Variants in RBFOX1 observed in about 807,000 individuals in gnomAD.
RBFOX1 encodes RNA binding protein fox-1 homolog 1.
RBFOX1 carries 8 observed loss-of-function variants against 57.7 expected under a neutral mutation model. The ratio of observed to expected loss-of-function variants is 0.14; its 90% confidence interval spans 0.08 to 0.25. The LOEUF (loss-of-function observed/expected upper bound fraction) is 0.25. Ranked by LOEUF, RBFOX1 falls within the 10% of genes least tolerant of loss-of-function variation. RBFOX1 has a pLI of 1.00. For synonymous variants in RBFOX1, 326 were observed against 222.4 expected (o/e 1.47, Z -4.15); for missense variants, 611 against 548.5 (o/e 1.11, Z -1.14).
chr16:7,604,828 G>A (rs983336152), intron 9 of RBFOX1, among the ~76,000 whole-genome samples: 2 of 152,162 alleles, frequency 1.3e-5, no homozygotes, highest in Non-Finnish European at 2.9e-5. Flanking sequence ...AGTCTTATAT[G>A]CAAAAGAAAG....
chr16:6,982,018 C>G (rs942094255), intron 3 of RBFOX1, among the ~76,000 whole-genome samples: 1 of 152,136 alleles, frequency 6.6e-6, no homozygotes, highest in South Asian at 2.1e-4. Flanking sequence ...TTTGAACCCT[C>G]GTGTTTTACC....
At chr16:6,613,095 C>A (rs1465059873) in intron 2 of RBFOX1, among the ~76,000 whole-genome samples, 1 of 151,382 alleles carries the variant, frequency 6.6e-6, no homozygotes, top group African/African-American at 2.4e-5. Context: ...GGTACAGGAA[C>A]TGTCAGGCCT....
chr16:6,706,419 C>T (rs17140983), intron 3 of RBFOX1, among the ~76,000 whole-genome samples: 1 of 152,196 alleles, frequency 6.6e-6, no homozygotes, highest in African/African-American at 2.4e-5. Flanking sequence ...CTTAATTTGG[C>T]ATGATAATTA....
At chr16:6,629,642 C>T (rs2098358068) in intron 2 of RBFOX1, among the ~76,000 whole-genome samples, 1 of 151,956 alleles carries the variant, frequency 6.6e-6, no homozygotes, top group Non-Finnish European at 1.5e-5. Flanking sequence ...CTCAGAGCCC[C>T]TTAACTGGAG....
At chr16:6,710,574 T>C (rs1205113051) in intron 3 of RBFOX1, among the ~76,000 whole-genome samples, 1 of 152,246 alleles carries the variant, frequency 6.6e-6, no homozygotes, top group Non-Finnish European at 1.5e-5. Flanking sequence ...GCTGATCCGT[T>C]ACCGGAATAG....
intron 7 of RBFOX1, among the ~76,000 whole-genome samples, chr16:7,592,163 A>T (rs1368056953): frequency 6.6e-6 from 1 of 152,196 alleles, no homozygotes; most frequent in African/African-American, 2.4e-5. Flanking sequence ...TCTCAACTCT[A>T]AATGAGGAAT....
chr16:6,394,480 C>T lies in RBFOX1; in HGVS notation c.-64+77423C>T, dbSNP rs180795060. ...CTTCTTGCAAAGAACCTTAAATTTACCCCCCAGAATAGCAGTGGGAAAATT... is the reference window on the plus strand; with the variant it reads ...CTTCTTGCAAAGAACCTTAAATTTATCCCCCAGAATAGCAGTGGGAAAATT... On this transcript the variant is annotated intron_variant, in intron 2 of 15. Transcript: ENST00000550418. Among the ~76,000 whole-genome samples the T allele has an allele frequency of 1.3e-4, 19 of 149,260 alleles. No homozygotes were observed. The South Asian group carries it at 3.3e-3, about 26-fold the overall frequency.
intron 15 of RBFOX1, 54 bp from the exon 16 acceptor site, chr16:7,710,569 C>A (rs2083860151): frequency 1.2e-6 from 2 of 1,607,200 alleles, no homozygotes; most frequent in African/African-American, 2.7e-5. Flanking sequence ...TGATGATCCA[C>A]ATGTTGCAAA....
chr16:6,533,935 A>G (rs541007183), intron 2 of RBFOX1, among the ~76,000 whole-genome samples: 30 of 152,300 alleles, frequency 2.0e-4, no homozygotes, highest in Non-Finnish European at 2.6e-4. Flanking sequence ...TGAAAAGTCA[A>G]GCTGCAAGGA....
At chr16:6,522,650 T>C (rs2096524328) in intron 2 of RBFOX1, among the ~76,000 whole-genome samples, 1 of 152,080 alleles carries the variant, frequency 6.6e-6, no homozygotes, top group African/African-American at 2.4e-5. Context: ...AGTACCGGGG[T>C]TAATACTAAT....
intron 1 of RBFOX1, among the ~76,000 whole-genome samples, chr16:6,260,159 G>T (rs11077019): frequency 6.6e-6 from 1 of 151,994 alleles, no homozygotes; most frequent in Non-Finnish European, 1.5e-5. Context: ...TTGAGCTGAG[G>T]GAAAGTTCTC....
intron 3 of RBFOX1, among the ~76,000 whole-genome samples, chr16:5,857,116 G>C (rs1457223654): frequency 2.6e-5 from 4 of 152,094 alleles, no homozygotes; most frequent in South Asian, 2.1e-4. Flanking sequence ...GTCATGGTAG[G>C]ATTATTCACT....
intron 3 of RBFOX1, among the ~76,000 whole-genome samples, chr16:7,011,906 C>A (rs929452191): frequency 6.6e-6 from 1 of 152,184 alleles, no homozygotes; most frequent in Admixed American, 6.5e-5. Flanking sequence ...ATTGCATGCT[C>A]TTCCACCCCA....
At chr16:6,423,890 C>G (rs1206941110) in intron 2 of RBFOX1, among the ~76,000 whole-genome samples, 1 of 152,108 alleles carries the variant, frequency 6.6e-6, no homozygotes, top group Non-Finnish European at 1.5e-5. Flanking sequence ...GGGCGGGGAG[C>G]TCCGGTCTTG....
chr16:6,000,928 G>C (rs12928354), intron 4 of RBFOX1, among the ~76,000 whole-genome samples: 1 of 150,426 alleles, frequency 6.6e-6, no homozygotes, highest in Admixed American at 6.6e-5. Flanking sequence ...TATTTAGATG[G>C]ATGGGTGGTT....
At chr16:5,482,418 C>T (rs2069577377) in intron 2 of RBFOX1, among the ~76,000 whole-genome samples, 1 of 152,160 alleles carries the variant, frequency 6.6e-6, no homozygotes, top group South Asian at 2.1e-4. Context: ...CCAGGCGGGG[C>T]TGGCAAATGG....
At chr16:6,358,824 C>A (rs2087865722) in intron 2 of RBFOX1, among the ~76,000 whole-genome samples, 1 of 152,104 alleles carries the variant, frequency 6.6e-6, no homozygotes, top group African/African-American at 2.4e-5. Context: ...TTTAAAATAT[C>A]TTTTATCTCT....
chr16:6,059,468 T>C (rs1021389034), intron 1 of RBFOX1, among the ~76,000 whole-genome samples: 2 of 152,164 alleles, frequency 1.3e-5, no homozygotes, highest in African/African-American at 4.8e-5. Context: ...ATAACATGTA[T>C]CTCATATTTT....
intron 3 of RBFOX1, among the ~76,000 whole-genome samples, chr16:5,783,694 A>G (rs1161455436): frequency 1.3e-5 from 2 of 152,202 alleles, no homozygotes; most frequent in Non-Finnish European, 2.9e-5. Context: ...AATGACTTTA[A>G]TGATTGTTTA....
Sources: allele counts gnomAD v4.1 joint callset (sites outside exome capture counted in the v4.1 genomes callset), GRCh38; gene constraint gnomAD v4.1.1; transcripts MANE v1.5; gene names NCBI Gene and HGNC (gene_info 2026-07-23, HGNC 2026-07-21).